SCLT1: variants seen among roughly 807,000 people sequenced by gnomAD.
SCLT1 encodes the protein sodium channel-associated protein 1.
SCLT1 carries 78 observed loss-of-function variants against 112.8 expected under a neutral mutation model. The observed-to-expected ratio is 0.69, with a 90% confidence interval of 0.58 to 0.83. The LOEUF (loss-of-function observed/expected upper bound fraction) is 0.83. SCLT1 is among the 40% of genes least tolerant of loss of function. The pLI, the probability that SCLT1 is intolerant of heterozygous loss-of-function variation, is 0.00. For missense variants in SCLT1, 747 were observed against 770.4 expected, an observed-to-expected ratio of 0.97 and a Z score of 0.36; for synonymous variants, 257 against 254.7, an observed-to-expected ratio of 1.01 and a Z score of -0.09.
At chr4:129,053,449 C>CT (rs1044799091) in intron 2 of SCLT1, among the ~76,000 whole-genome samples, 1 of 151,034 alleles carries the variant, frequency 6.6e-6, no homozygotes, top group African/African-American at 2.4e-5. Flanking sequence ...ATAGTCAGCA[C>CT]TTCTTAATGC....
At chr4:129,082,176 A>G (rs570857265) in intron 2 of SCLT1, 130 bp downstream of exon 2, 1 of 423,810 alleles carries the variant, frequency 2.4e-6, no homozygotes, top group Non-Finnish European at 4.3e-6. Context: ...TTCTATTGTC[A>G]AAAGATTTAC....
intron 9 of SCLT1, among the ~76,000 whole-genome samples, chr4:128,982,278 C>T (rs565475239): frequency 5.7e-4 from 87 of 152,164 alleles, no homozygotes; most frequent in African/African-American, 1.9e-3. Context: ...CAGAAACTGT[C>T]GAAGCTACGA....
chr4:128,924,563 C>T (rs1236639930), intron 18 of SCLT1, among the ~76,000 whole-genome samples: 1 of 152,100 alleles, frequency 6.6e-6, no homozygotes, highest in Non-Finnish European at 1.5e-5. Flanking sequence ...TGAGCCACTG[C>T]CCCTGGCCAG....
chr4:128,942,958 T>C (rs1322102866), intron 17 of SCLT1, 38 bp downstream of exon 17: 4 of 1,465,344 alleles, frequency 2.7e-6, no homozygotes, highest in Non-Finnish European at 3.7e-6. Context: ...ATACTTTGAT[T>C]TTCATAAGTA....
chr4:128,937,640 A>G (rs766915145), intron 17 of SCLT1, among the ~76,000 whole-genome samples: 1 of 152,218 alleles, frequency 6.6e-6, no homozygotes, highest in Non-Finnish European at 1.5e-5. Flanking sequence ...TTACCACTTC[A>G]GCTCCAGTAT....
chr4:129,054,329 T>C (rs1015321919), intron 2 of SCLT1, among the ~76,000 whole-genome samples: 1 of 152,176 alleles, frequency 6.6e-6, no homozygotes, highest in Non-Finnish European at 1.5e-5. Context: ...TCCTGGATAA[T>C]ATCCTGAAGA....
chr4:129,039,898 GCGCACACACA>G (rs1177276699), intron 4 of SCLT1: 3,302 of 241,212 alleles, frequency 0.014, 53 homozygotes, highest in African/African-American at 0.073. Flanking sequence ...GTGTGCGCGC[GCGCACACACA>G]CACACACACA....
rs1734401797 is a variant in SCLT1 at position 128,902,562 on chromosome 4, A to G, written c.1830-11425T>C. ...AAAAGATAAAAAATGGTACATCTGT[A>G]TAGGGTACTTGCCATAAATGGAGCC... On this transcript the variant is annotated intron_variant, in intron 18 of 20. Coordinates refer to ENST00000281142, the MANE Select transcript of SCLT1 (RefSeq NM_144643.4). Among the ~76,000 whole-genome samples, 3 of 152,206 alleles carry G rather than the reference A, an allele frequency of 2.0e-5. No individual in the cohort carries two copies. In the South Asian group the frequency reaches 6.2e-4, roughly 31 times the overall value.
Position 128,936,788 on chromosome 4 carries a change from T to G in SCLT1, c.1696A>C (p.Met566Leu), listed in dbSNP as rs755965227. Residue 566 changes from methionine to leucine, a missense_variant, in exon 18 of 21, where the codon ATG becomes CTG. Coordinates refer to ENST00000281142, the MANE Select transcript of SCLT1 (RefSeq NM_144643.4). Reference protein sequence around the residue: ...ERGFEVQLREMEDSNRNSIVE... With the variant: ...ERGFEVQLRELEDSNRNSIVE... ...ATGGAATTTCTATTACTGTCTTCCA[T>G]CTCTCTCAATTGAACTTCAAATCCA... 1.3e-5 allele frequency: 21 copies of G among 1,607,554 alleles called. No homozygotes were observed. In the East Asian group the frequency reaches 4.5e-4, roughly 34 times the overall value.
chr4:129,042,881 T>C (rs1747828859), intron 4 of SCLT1, among the ~76,000 whole-genome samples: 1 of 151,998 alleles, frequency 6.6e-6, no homozygotes, highest in Admixed American at 6.6e-5. Flanking sequence ...GAGACCATCC[T>C]GGCCAACATG....
intron 9 of SCLT1, chr4:128,970,708 G>T (rs1369444862): frequency 5.2e-6 from 2 of 383,168 alleles, no homozygotes; most frequent in African/African-American, 2.1e-5. Context: ...TGCTGTACTT[G>T]GGTAAATTAT....
At chr4:128,873,367 G>C (rs1214974077) in intron 5 of SCLT1, 1 of 152,278 alleles carries the variant, frequency 6.6e-6, no homozygotes, top group Non-Finnish European at 1.5e-5. Context: ...GTTGCGATAA[G>C]CTCTTACTAT....
chr4:129,005,638 C>A (rs144938706), intron 5 of SCLT1, among the ~76,000 whole-genome samples: 2,024 of 152,112 alleles, frequency 0.013, 47 homozygotes, highest in African/African-American at 0.043. Context: ...ACTAGAAATA[C>A]CATTTGACCC....
At chr4:129,052,739 T>C (rs747577238) in intron 2 of SCLT1, among the ~76,000 whole-genome samples, 3 of 152,196 alleles carry the variant, frequency 2.0e-5, no homozygotes, top group Non-Finnish European at 4.4e-5. Context: ...TCAGCTCTGC[T>C]CTGATCTTAG....
chr4:129,017,267 T>C (rs193029868), intron 5 of SCLT1, among the ~76,000 whole-genome samples: 142 of 152,292 alleles, frequency 9.3e-4, no homozygotes, highest in African/African-American at 3.3e-3. Context: ...GAGTTTTTCA[T>C]GGGTCTTTGA....
chr4:128,982,187 T>C (rs1741716014), intron 9 of SCLT1, among the ~76,000 whole-genome samples: 3 of 152,162 alleles, frequency 2.0e-5, no homozygotes, highest in Non-Finnish European at 1.5e-5. Context: ...GCCTGCTGCT[T>C]TTCAGGTGCC....
chr4:129,058,129 G>C (rs1315674194), intron 2 of SCLT1, among the ~76,000 whole-genome samples: 1 of 151,716 alleles, frequency 6.6e-6, no homozygotes. Flanking sequence ...CTTTTTCCTT[G>C]GTTATTTTGC....
intron 5 of SCLT1, among the ~76,000 whole-genome samples, chr4:129,021,041 C>T (rs1745424333): frequency 6.6e-6 from 1 of 152,134 alleles, no homozygotes; most frequent in South Asian, 2.1e-4. Context: ...TCTGCATTTC[C>T]AACTGAGGTA....
intron 18 of SCLT1, among the ~76,000 whole-genome samples, chr4:128,924,308 T>G (rs1487626264): frequency 6.6e-6 from 1 of 152,032 alleles, no homozygotes; most frequent in Non-Finnish European, 1.5e-5. Flanking sequence ...GACAGAGTCT[T>G]GCTCTGTGGC....
Sources: gnomAD v4.1 joint callset for allele counts (sites outside exome capture counted in the v4.1 genomes callset) on GRCh38, gnomAD v4.1.1 for gene constraint, MANE v1.5 for transcripts, NCBI Gene and HGNC (gene_info 2026-07-23, HGNC 2026-07-21) for gene names.